The following SDK1 variants were observed in gnomAD, a reference collection of about 807,000 sequenced individuals.
SDK1 encodes the protein sidekick cell adhesion molecule 1.
In SDK1, 157 loss-of-function variants were observed where a neutral mutation model predicts 245.5. The observed-to-expected ratio is 0.64, with a 90% CI of 0.56 to 0.73. The LOEUF is 0.73. Ranked by LOEUF, SDK1 falls within the 30% of genes least tolerant of loss-of-function variation. The pLI, the probability that SDK1 is intolerant of heterozygous loss-of-function variation, is 0.00. For missense variants in SDK1, 3,583 were observed against 3,002.3 expected (o/e 1.19, Z -4.52); for synonymous variants, 1,647 against 1,278.5 (o/e 1.29, Z -6.15).
At chr7:3,709,482 C>G (rs1784977609) in intron 4 of SDK1, among the ~76,000 whole-genome samples, 2 of 152,206 alleles carry the variant, frequency 1.3e-5, no homozygotes, top group South Asian at 4.1e-4. Flanking sequence ...TCCCTGGAGG[C>G]AGTCCGTCCC....
chr7:4,104,755 G>A (rs1782793512), intron 22 of SDK1, among the ~76,000 whole-genome samples: 1 of 152,174 alleles, frequency 6.6e-6, no homozygotes, highest in Non-Finnish European at 1.5e-5. Context: ...CCAGGCTGGA[G>A]TGCAGTGGTG....
At chr7:3,649,964 A>T (rs981382523) in intron 4 of SDK1, among the ~76,000 whole-genome samples, 2 of 151,410 alleles carry the variant, frequency 1.3e-5, no homozygotes, top group African/African-American at 4.9e-5. Flanking sequence ...AATCGATTTT[A>T]TTCTGTACAC....
intron 5 of SDK1, among the ~76,000 whole-genome samples, chr7:3,861,355 TC>T (rs1331067351): frequency 1.3e-5 from 2 of 152,250 alleles, no homozygotes; most frequent in Admixed American, 6.5e-5. Flanking sequence ...CGCTTGTAGT[TC>T]CATTCGGTAT....
rs1378038899 is a variant in SDK1, at chr7:4,119,337, C to T, written c.3823+5063C>T. 1.4e-5 allele frequency among the ~76,000 whole-genome samples: 2 copies of T among 148,062 alleles called. 1 individual carries two copies. Among genetic ancestry groups the T allele is most frequent in the Non-Finnish European group, 3.0e-5 (2 of 66,462 alleles). Reference sequence around the variant, plus strand: ...AGGCATGGTAGCACATGCCTGTAGTCCCAGCTACTTGGGAGGCTGAGGCAG... The same window carrying T: ...AGGCATGGTAGCACATGCCTGTAGTTCCAGCTACTTGGGAGGCTGAGGCAG... On this transcript the variant is annotated intron_variant, in intron 25 of 44. Coordinates refer to ENST00000404826, the MANE Select transcript of SDK1 (RefSeq NM_152744.4).
intron 10 of SDK1, among the ~76,000 whole-genome samples, chr7:3,968,682 A>G (rs1212235349): frequency 6.6e-6 from 1 of 152,240 alleles, no homozygotes; most frequent in Non-Finnish European, 1.5e-5. Flanking sequence ...TTGTTTAACC[A>G]AATCTCTAAA....
chr7:4,200,590 G>A (rs1301728865), intron 35 of SDK1, among the ~76,000 whole-genome samples: 2 of 152,192 alleles, frequency 1.3e-5, no homozygotes, highest in South Asian at 2.1e-4. Context: ...TCCATTGTTC[G>A]TGGACTTTTG....
At chr7:3,884,963 C>T (rs889326722) in intron 5 of SDK1, among the ~76,000 whole-genome samples, 5 of 152,258 alleles carry the variant, frequency 3.3e-5, no homozygotes, top group East Asian at 1.9e-4. Context: ...AGCGGTGCTG[C>T]GCAAATTGGA....
chr7:3,331,689 G>A (rs1002433253), intron 1 of SDK1, among the ~76,000 whole-genome samples: 1 of 152,020 alleles, frequency 6.6e-6, no homozygotes, highest in Admixed American at 6.6e-5. Flanking sequence ...GGATGAATTT[G>A]CTTGGTGAAA....
At chr7:3,383,439 C>T (rs1781538696) in intron 1 of SDK1, among the ~76,000 whole-genome samples, 1 of 152,152 alleles carries the variant, frequency 6.6e-6, no homozygotes, top group South Asian at 2.1e-4. Flanking sequence ...TGATTTCCCT[C>T]TCCCCAGTTT....
chr7:3,571,619 G>A (rs916932369), intron 1 of SDK1, among the ~76,000 whole-genome samples: 33 of 151,984 alleles, frequency 2.2e-4, no homozygotes, highest in African/African-American at 7.5e-4. Flanking sequence ...GCAGCCTTTT[G>A]TTTTACAGTT....
chr7:3,643,812 G>A (rs1583263643), intron 4 of SDK1: 1 of 150,288 alleles, frequency 6.7e-6, no homozygotes, highest in Admixed American at 6.7e-5. Context: ...TAAGCCCCAT[G>A]TCTCCAGTCT....
At chr7:3,652,287 C>T (rs952462920) in intron 4 of SDK1, among the ~76,000 whole-genome samples, 2 of 152,138 alleles carry the variant, frequency 1.3e-5, no homozygotes, top group African/African-American at 2.4e-5. Context: ...GGAAGTTCTC[C>T]AGTAGAGAAG....
At chr7:3,417,098 C>T (rs957454804) in intron 1 of SDK1, among the ~76,000 whole-genome samples, 1 of 152,112 alleles carries the variant, frequency 6.6e-6, no homozygotes, top group African/African-American at 2.4e-5. Context: ...CCCCTGAACC[C>T]AGGAGGTGGA....
intron 33 of SDK1, 68 bp downstream of exon 33, chr7:4,174,425 T>C (rs765080551): frequency 3.7e-5 from 56 of 1,495,144 alleles, no homozygotes; most frequent in Non-Finnish European, 5.1e-5. Flanking sequence ...ATCTGCTCAG[T>C]GCACATCATG....
intron 2 of SDK1, among the ~76,000 whole-genome samples, chr7:3,637,378 A>G (rs988429251): frequency 6.6e-6 from 1 of 152,194 alleles, no homozygotes; most frequent in African/African-American, 2.4e-5. Flanking sequence ...ATTACAGGCA[A>G]GAGCCACCAC....
intron 35 of SDK1, among the ~76,000 whole-genome samples, chr7:4,204,561 A>T (rs117460909): frequency 0.013 from 1,925 of 152,248 alleles, 20 homozygotes; most frequent in Non-Finnish European, 0.021. Flanking sequence ...GCGAGTCCTG[A>T]GGTCAGTCTC....
chr7:4,231,542 C>T (rs1785768672), intron 40 of SDK1, among the ~76,000 whole-genome samples: 1 of 147,568 alleles, frequency 6.8e-6, no homozygotes, highest in Non-Finnish European at 1.5e-5. Flanking sequence ...CACTGCACTC[C>T]AGCCTGTGTG....
At chr7:4,189,116 G>A (rs76375726) in intron 35 of SDK1, among the ~76,000 whole-genome samples, 1,675 of 152,242 alleles carry the variant, frequency 0.011, 25 homozygotes, top group African/African-American at 0.038. Context: ...AAAGGGATTT[G>A]GAAATCCTCG....
rs74572630 is a variant in SDK1 at position 3,665,300 on chromosome 7, C to T, written c.713+23195C>T. On this transcript the variant is annotated intron_variant, in intron 4 of 44. Coordinates refer to ENST00000404826, the MANE Select transcript of SDK1 (RefSeq NM_152744.4). ...CTTTCACTATATTTTCCCGTGGCCT[C>T]ACCTACAGGAACAGTTTGAGCAGAT... Among the ~76,000 whole-genome samples the T allele has an allele frequency of 2.0e-5, 3 of 152,306 alleles. No individual in the cohort carries two copies. In the East Asian group the frequency reaches 5.8e-4, roughly 29 times the overall value.
Sources: gnomAD v4.1 joint callset for allele counts (sites outside exome capture counted in the v4.1 genomes callset) on GRCh38, gnomAD v4.1.1 for gene constraint, MANE v1.5 for transcripts, NCBI Gene and HGNC (gene_info 2026-07-23, HGNC 2026-07-21) for gene names.